The following ITGA8 variants were observed in gnomAD, a reference collection of about 807,000 sequenced individuals.
ITGA8 encodes the protein integrin alpha-8.
ITGA8 carries 91 observed loss-of-function variants against 142.3 expected under a neutral mutation model. The ratio of observed to expected loss-of-function variants is 0.64; its 90% CI spans 0.54 to 0.76. The LOEUF (loss-of-function observed/expected upper bound fraction) is 0.76. Ranked by LOEUF, ITGA8 falls within the 30% of genes least tolerant of loss-of-function variation. ITGA8 has a pLI of 0.00. For synonymous variants in ITGA8, 505 were observed against 485.2 expected (o/e 1.04, Z -0.54); for missense variants, 1,406 against 1,327.7 (o/e 1.06, Z -0.92).
chr10:15,586,511 A>G, intron 23 of ITGA8, 73 bp downstream of exon 23: 2 of 871,766 alleles, frequency 2.3e-6, no homozygotes, highest in Non-Finnish European at 1.9e-6. Flanking sequence ...AAAATTCCAC[A>G]TCATTTTCAC....
chr10:15,607,328 C>T (rs1564371750), intron 17 of ITGA8, among the ~76,000 whole-genome samples: 1 of 152,118 alleles, frequency 6.6e-6, no homozygotes, highest in Non-Finnish European at 1.5e-5. Context: ...TTGATAAAAT[C>T]TAACAAGACA....
intron 25 of ITGA8, among the ~76,000 whole-genome samples, chr10:15,563,504 C>G (rs973852594): frequency 6.6e-6 from 1 of 152,088 alleles, no homozygotes; most frequent in Non-Finnish European, 1.5e-5. Context: ...CTGTGGTTAA[C>G]CAAGCTACAG....
At chr10:15,614,133 T>C (rs1833351858) in intron 14 of ITGA8, among the ~76,000 whole-genome samples, 1 of 152,234 alleles carries the variant, frequency 6.6e-6, no homozygotes, top group Admixed American at 6.5e-5. Flanking sequence ...TCTGATGAAA[T>C]ACATCATCTT....
chr10:15,715,230 A>G (rs1835429211), intron 2 of ITGA8, among the ~76,000 whole-genome samples: 1 of 152,126 alleles, frequency 6.6e-6, no homozygotes, highest in Non-Finnish European at 1.5e-5. Flanking sequence ...CATCATTCCC[A>G]CCAAGACAAA....
At chr10:15,695,269 T>C (rs931972657) in intron 2 of ITGA8, among the ~76,000 whole-genome samples, 1 of 152,186 alleles carries the variant, frequency 6.6e-6, no homozygotes, top group Non-Finnish European at 1.5e-5. Context: ...CAGGTCTCTA[T>C]GTACTGAGAC....
In ITGA8 at chr10:15,608,402, TAC is replaced by T. The variant is rs3041592; in HGVS notation, c.1554-114_1554-113del. Reference sequence around the variant, plus strand: ...ATCATTTTCTCTATATATTTCTAATTACACACACACACACACACACACCCACA... The same window carrying T: ...ATCATTTTCTCTATATATTTCTAATTACACACACACACACACACACCCACA... On this transcript the variant is annotated intron_variant, in intron 15 of 29. Coordinates refer to ENST00000378076, the MANE Select transcript of ITGA8 (RefSeq NM_003638.3). 319,956 of 496,974 alleles carry T rather than the reference TAC, an allele frequency of 0.64. 90,042 individuals carry two copies. The highest frequency in any genetic ancestry group is 0.71 in the South Asian group (25,276 of 35,456). 30.8% of individuals were successfully genotyped at this position (496,974 alleles called of 1,614,324 possible).
intron 3 of ITGA8, among the ~76,000 whole-genome samples, chr10:15,685,312 A>G (rs1008093608): frequency 1.3e-5 from 2 of 152,362 alleles, no homozygotes; most frequent in South Asian, 2.1e-4. Context: ...AAATAACCAA[A>G]GGGTTAGAAA....
chr10:15,639,782 T>A (rs1833837964), intron 13 of ITGA8, among the ~76,000 whole-genome samples: 1 of 152,226 alleles, frequency 6.6e-6, no homozygotes, highest in African/African-American at 2.4e-5. Flanking sequence ...GTGGCTAATT[T>A]AATTGGTTTG....
At chr10:15,634,282 T>A (rs1833733744) in intron 13 of ITGA8, among the ~76,000 whole-genome samples, 1 of 152,196 alleles carries the variant, frequency 6.6e-6, no homozygotes, top group Non-Finnish European at 1.5e-5. Context: ...GCATGCGTTA[T>A]GCCCATATAG....
rs537356471 is a variant in ITGA8 at position 15,620,767 on chromosome 10, A to G, written c.1400-4208T>C. 7.2e-5 allele frequency among the ~76,000 whole-genome samples: 11 copies of G among 152,306 alleles called. No homozygotes were observed. The South Asian group carries it at 2.1e-3, about 29-fold the overall frequency. ...TATGTGGTTGGCTTTGGAAAGTACT[A>G]CGCTGCTTCCATCTATACACACATA... On this transcript the variant is annotated intron_variant, in intron 13 of 29. Transcript: ENST00000378076.
chr10:15,568,139 C>T (rs996453656), intron 25 of ITGA8, among the ~76,000 whole-genome samples: 1 of 152,092 alleles, frequency 6.6e-6, no homozygotes, highest in African/African-American at 2.4e-5. Flanking sequence ...GTCCAGGCTG[C>T]TCTCAAACTC....
chr10:15,620,901 T>A (rs1336926413), intron 13 of ITGA8, among the ~76,000 whole-genome samples: 2 of 152,240 alleles, frequency 1.3e-5, no homozygotes, highest in Non-Finnish European at 2.9e-5. Flanking sequence ...GCATGTGAAA[T>A]GATATTTAAA....
chr10:15,624,133 G>T (rs775710890), intron 13 of ITGA8, among the ~76,000 whole-genome samples: 4 of 152,092 alleles, frequency 2.6e-5, no homozygotes, highest in Non-Finnish European at 4.4e-5. Flanking sequence ...TGTCAACATC[G>T]GTGTACAGCA....
intron 10 of ITGA8, among the ~76,000 whole-genome samples, chr10:15,657,510 A>ATTTTTTTTTTTTTTT: frequency 7.5e-6 from 1 of 132,516 alleles, no homozygotes; most frequent in African/African-American, 2.8e-5. Flanking sequence ...CTTTTCTTTC[A>ATTTTTTTTTTTTTTT]TTTTTTTTTT....
At position 15,646,952 on chromosome 10, in the gene ITGA8, G is replaced by A. The variant is rs759346104; in HGVS notation, c.1101C>T (p.Ser367=). 1.2e-6 allele frequency: 2 copies of A among 1,613,844 alleles called. No homozygotes were observed. The highest frequency in any genetic ancestry group is 1.7e-6 in the Non-Finnish European group (2 of 1,179,962). ...TCTGGGGGTCTCTGAAGAGGAGAGA[G>A]CTCACTTGCAAATACAGGTAGATTT... ...VGQIYLYLQV[S]SLLFRDPQIL... is the part of the protein sequence containing the mutation. The change falls in exon 12 of 30, where the codon AGC becomes AGT. Residue 367 remains serine (S), a synonymous_variant. Transcript: ENST00000378076.
chr10:15,691,079 A>G (rs957516031), intron 2 of ITGA8, among the ~76,000 whole-genome samples: 13 of 152,218 alleles, frequency 8.5e-5, no homozygotes, highest in African/African-American at 2.9e-4. Flanking sequence ...GCCAACAGGT[A>G]TATGTGAAAA....
intron 7 of ITGA8, among the ~76,000 whole-genome samples, chr10:15,672,362 A>G (rs959248083): frequency 2.6e-5 from 4 of 152,240 alleles, no homozygotes; most frequent in Non-Finnish European, 2.9e-5. Flanking sequence ...CTGCTAATAC[A>G]TAGTATCTAC....
At chr10:15,538,523 A>C (rs1360985831) in intron 27 of ITGA8, among the ~76,000 whole-genome samples, 1 of 150,796 alleles carries the variant, frequency 6.6e-6, no homozygotes, top group East Asian at 1.9e-4. Flanking sequence ...AAAAAAAAAA[A>C]AAAAAAAACT....
At chr10:15,629,224 C>T (rs987298651) in intron 13 of ITGA8, among the ~76,000 whole-genome samples, 7 of 151,982 alleles carry the variant, frequency 4.6e-5, no homozygotes, top group African/African-American at 9.7e-5. Context: ...CCTGCCTCTC[C>T]GTTTTTGGTT....
Sources: allele counts gnomAD v4.1 joint callset (sites outside exome capture counted in the v4.1 genomes callset), GRCh38; gene constraint gnomAD v4.1.1; transcripts MANE v1.5; gene names NCBI Gene and HGNC (gene_info 2026-07-23, HGNC 2026-07-21).